Variants in ATR observed in about 807,000 individuals in gnomAD.
The protein encoded by ATR is serine/threonine-protein kinase ATR.
A neutral mutation model predicts 305.3 loss-of-function variants in ATR; 142 were observed. That is an observed-to-expected ratio of 0.47 (90% CI 0.41 to 0.53). ATR has a LOEUF of 0.53. Ranked by LOEUF, ATR falls within the 20% of genes least tolerant of loss-of-function variation. ATR has a pLI of 0.00. For synonymous variants in ATR, 1,050 were observed against 1,068.1 expected (o/e 0.98, Z 0.33); for missense variants, 2,135 against 3,133.1 (o/e 0.68, Z 7.60).
chr3:142,550,704 C>G (rs913926906), intron 13 of ATR, among the ~76,000 whole-genome samples: 1 of 152,104 alleles, frequency 6.6e-6, no homozygotes, highest in African/African-American at 2.4e-5. Flanking sequence ...TAACCTGTAT[C>G]TTCAGACCAA....
Position 142,470,077 on chromosome 3 carries a change from GA to G in ATR, c.6319+8del. 1 of 1,587,976 alleles carries G rather than the reference GA, an allele frequency of 6.3e-7. No homozygotes were observed. Among genetic ancestry groups the G allele is most frequent in the Non-Finnish European group, 8.6e-7 (1 of 1,157,968 alleles). On this transcript the variant is annotated splice_region_variant and intron_variant, in intron 37 of 46. Coordinates refer to ENST00000350721, the MANE Select transcript of ATR (RefSeq NM_001184.4). ...TAGTCCTTTAAAACTTTTACGTGAAGAGTTATACCTTTTTCCCATTCATATG... is the reference window on the plus strand; with the variant it reads ...TAGTCCTTTAAAACTTTTACGTGAAGGTTATACCTTTTTCCCATTCATATG...
At position 142,495,817 on chromosome 3, in the gene ATR, G is replaced by A. The variant is rs527990469; in HGVS notation, c.5898+544C>T. ...CATAAACCTTGCAAGTAGTTCCAAT[G>A]TTTAAAAAACCCCCTTCTTATTACT... On this transcript the variant is annotated intron_variant, in intron 34 of 46. Transcript: ENST00000350721. Among the ~76,000 whole-genome samples the A allele has an allele frequency of 8.6e-4, 131 of 152,040 alleles. 3 individuals are homozygous for A. The South Asian group carries it at 0.027, about 31-fold the overall frequency.
chr3:142,496,278 CTATATATATATATATATATATATATA>C lies in ATR; in HGVS notation c.5898+57_5898+82del, dbSNP rs6148111. 1.1e-3 allele frequency: 124 copies of C among 115,168 alleles called. 1 individual carries two copies. The highest frequency in any genetic ancestry group is 2.4e-3 in the East Asian group (9 of 3,696). 7.1% of individuals were successfully genotyped at this position (115,168 alleles called of 1,614,324 possible). ...TTTTAAGGAAGTACATAATTCCCGA[CTATATATATATATATATATATATATA>C]TATATATATATATATATATATATAT... On this transcript the variant is annotated intron_variant, in intron 34 of 46. Coordinates refer to ENST00000350721, the MANE Select transcript of ATR (RefSeq NM_001184.4).
chr3:142,515,123 TA>T (rs752796471), intron 25 of ATR, among the ~76,000 whole-genome samples: 14 of 152,284 alleles, frequency 9.2e-5, no homozygotes, highest in Admixed American at 3.3e-4. Flanking sequence ...TACATAGTAT[TA>T]TTTTACAATA....
At chr3:142,508,719 C>T (rs1346657924) in intron 27 of ATR, among the ~76,000 whole-genome samples, 1 of 151,892 alleles carries the variant, frequency 6.6e-6, no homozygotes, top group Non-Finnish European at 1.5e-5. Context: ...GTTAGGAGAT[C>T]GAGACCATCC....
intron 30 of ATR, among the ~76,000 whole-genome samples, chr3:142,502,257 CAT>C (rs1468960742): frequency 1.3e-5 from 2 of 152,164 alleles, no homozygotes; most frequent in Non-Finnish European, 2.9e-5. Context: ...CAAAAAGATA[CAT>C]ACACTCGTAT....
At chr3:142,514,737 G>A (rs762875748) in intron 25 of ATR, among the ~76,000 whole-genome samples, 2 of 148,776 alleles carry the variant, frequency 1.3e-5, no homozygotes, top group South Asian at 4.2e-4. Flanking sequence ...AACCCGGTAG[G>A]CGGAGACTTA....
chr3:142,450,938 C>T, intron 46 of ATR: 1 of 1,211,990 alleles, frequency 8.3e-7, no homozygotes, highest in East Asian at 5.3e-5. Context: ...GCGGAGCTCA[C>T]CTCAGAAAAG....
intron 41 of ATR, 135 bp downstream of exon 41, chr3:142,464,962 T>C (rs1262242979): frequency 8.9e-6 from 4 of 448,624 alleles, no homozygotes; most frequent in Non-Finnish European, 1.4e-5. Context: ...GATCTGTTTG[T>C]ATACTAAAAT....
chr3:142,521,686 G>A (rs1283588461), intron 23 of ATR, among the ~76,000 whole-genome samples: 1 of 152,158 alleles, frequency 6.6e-6, no homozygotes, highest in Non-Finnish European at 1.5e-5. Flanking sequence ...CTAGAGATGT[G>A]ATAAAAACAG....
chr3:142,556,007 A>G lies in ATR; in HGVS notation c.2211T>C (p.His737=), dbSNP rs1052256316. 2.5e-6 allele frequency: 4 copies of G among 1,614,116 alleles called. No homozygotes were observed. Among genetic ancestry groups the G allele is most frequent in the Non-Finnish European group, 3.4e-6 (4 of 1,179,986 alleles). The stretch of plus-strand genomic sequence containing the variant: ...TCAAGTTCCTACAGAAGAGGTCCAC[A>G]TGTCCGTGTTCAGAGAAAGGTTCTG... ...SLTEPFSEHG[H]VDLFCRNLKA... The change falls in exon 10 of 47, where the codon CAT becomes CAC. Residue 737 remains histidine (H), a synonymous_variant. Transcript: ENST00000350721.
At chr3:142,560,081 T>C (rs1318496038) in intron 6 of ATR, among the ~76,000 whole-genome samples, 182 bp downstream of exon 6, 1 of 152,222 alleles carries the variant, frequency 6.6e-6, no homozygotes, top group African/African-American at 2.4e-5. Flanking sequence ...AAATATTAAC[T>C]AAGATATATA....
At chr3:142,566,351 C>T (rs1277817420) in intron 2 of ATR, 90 bp from the exon 3 acceptor site, 4 of 1,428,190 alleles carry the variant, frequency 2.8e-6, no homozygotes, top group Non-Finnish European at 3.9e-6. Context: ...AGGCAAGGTG[C>T]CTCACTCCTG....
chr3:142,510,648 A>G (rs1335650728), intron 27 of ATR, among the ~76,000 whole-genome samples: 2 of 152,166 alleles, frequency 1.3e-5, no homozygotes, highest in African/African-American at 4.8e-5. Flanking sequence ...CAAGAGGGAG[A>G]TGCTCACAAA....
At chr3:142,455,356 T>C (rs2070881330) in intron 45 of ATR, among the ~76,000 whole-genome samples, 1 of 152,170 alleles carries the variant, frequency 6.6e-6, no homozygotes, top group Admixed American at 6.6e-5. Context: ...AAGACAGCAA[T>C]ACTCCCTAAT....
intron 1 of ATR, among the ~76,000 whole-genome samples, chr3:142,574,474 A>G (rs952228753): frequency 4.0e-5 from 6 of 151,310 alleles, no homozygotes; most frequent in Non-Finnish European, 8.8e-5. Flanking sequence ...AAAAAAAAAA[A>G]AAAGAAAAAA....
At chr3:142,575,523 T>C (rs939814988) in intron 1 of ATR, among the ~76,000 whole-genome samples, 1 of 151,344 alleles carries the variant, frequency 6.6e-6, no homozygotes, top group Non-Finnish European at 1.5e-5. Context: ...TTGTACTTCC[T>C]ATTCCATCCC....
chr3:142,574,458 CAAAA>C (rs59441794), intron 1 of ATR, among the ~76,000 whole-genome samples: 33 of 114,616 alleles, frequency 2.9e-4, no homozygotes, highest in African/African-American at 5.8e-4. Flanking sequence ...GAGCCAGTCT[CAAAA>C]AAAAAAAAAA....
chr3:142,505,044 AAAAAC>A (rs540593291), intron 29 of ATR, 90 bp downstream of exon 29: 20 of 1,484,000 alleles, frequency 1.3e-5, no homozygotes, highest in Non-Finnish European at 1.4e-5. Flanking sequence ...ACTCTGTCTC[AAAAAC>A]AAAACAAAAC....
Sources: gnomAD v4.1 joint callset for allele counts (sites outside exome capture counted in the v4.1 genomes callset) on GRCh38, gnomAD v4.1.1 for gene constraint, MANE v1.5 for transcripts, NCBI Gene and HGNC (gene_info 2026-07-23, HGNC 2026-07-21) for gene names.